Variants in RUNDC3B observed in about 807,000 individuals in gnomAD.
The protein encoded by RUNDC3B is RUN domain-containing protein 3B.
In RUNDC3B, 33 loss-of-function variants were observed where a neutral mutation model predicts 58.4. The ratio of observed to expected loss-of-function variants is 0.56; its 90% CI spans 0.43 to 0.75. The LOEUF is 0.75. RUNDC3B is among the 30% of genes least tolerant of loss of function. RUNDC3B has a pLI of 0.00. For synonymous variants in RUNDC3B, 193 were observed against 195.2 expected, an observed-to-expected ratio of 0.99 and a Z score of 0.10; for missense variants, 501 against 535.7, an observed-to-expected ratio of 0.94 and a Z score of 0.64.
At chr7:87,632,526 A>T (rs1013771227) in intron 1 of RUNDC3B, among the ~76,000 whole-genome samples, 2 of 152,184 alleles carry the variant, frequency 1.3e-5, no homozygotes, top group Admixed American at 1.3e-4. Flanking sequence ...TGAGGACTCT[A>T]AATCTTACAC....
At position 87,829,871 on chromosome 7, in the gene RUNDC3B, A is replaced by G. The variant is rs1308790016; in HGVS notation, c.1226-14A>G. On this transcript the variant is annotated splice_polypyrimidine_tract_variant and intron_variant, in intron 10 of 10. Transcript: ENST00000394654. ...AGGGCAATTAATTATTTGCTATTTA[A>G]TTCTAATTTTCAGGTAAGGAAGATA... 2 of 1,572,184 alleles carry G rather than the reference A, an allele frequency of 1.3e-6. No homozygotes were observed. Among genetic ancestry groups the G allele is most frequent in the Non-Finnish European group, 1.7e-6 (2 of 1,154,156 alleles).
intron 2 of RUNDC3B, among the ~76,000 whole-genome samples, chr7:87,672,463 T>C (rs187709899): frequency 1.3e-5 from 2 of 152,278 alleles, no homozygotes; most frequent in African/African-American, 2.4e-5. Flanking sequence ...CCAGTGGGTC[T>C]TATCTTGTGG....
chr7:87,818,739 GA>G (rs1837219313), intron 10 of RUNDC3B, among the ~76,000 whole-genome samples: 1 of 152,138 alleles, frequency 6.6e-6, no homozygotes, highest in Non-Finnish European at 1.5e-5. Flanking sequence ...CTGTGCAAAA[GA>G]AGGAATTGGG....
At chr7:87,687,791 G>T (rs1827613599) in intron 2 of RUNDC3B, among the ~76,000 whole-genome samples, 1 of 152,056 alleles carries the variant, frequency 6.6e-6, no homozygotes, top group Non-Finnish European at 1.5e-5. Flanking sequence ...AGGAACTCTG[G>T]CTTGAACCTC....
intron 1 of RUNDC3B, among the ~76,000 whole-genome samples, chr7:87,642,295 T>C (rs1822536142): frequency 1.3e-5 from 2 of 152,048 alleles, no homozygotes; most frequent in African/African-American, 4.8e-5. Context: ...AGCATTCTAG[T>C]GTTGATAAAC....
At chr7:87,677,273 T>A (rs1417480579) in intron 2 of RUNDC3B, among the ~76,000 whole-genome samples, 2 of 136,930 alleles carry the variant, frequency 1.5e-5, no homozygotes, top group Admixed American at 7.4e-5. Context: ...ACAGTGTATA[T>A]AACACACACA....
At chr7:87,669,646 C>A (rs961009691) in intron 2 of RUNDC3B, among the ~76,000 whole-genome samples, 1 of 152,284 alleles carries the variant, frequency 6.6e-6, no homozygotes, top group Middle Eastern at 3.4e-3. Context: ...CTTTCAAAAT[C>A]TCTTGTAAGG....
At position 87,700,554 on chromosome 7, in the gene RUNDC3B, G is replaced by A. The variant is rs929438114; in HGVS notation, c.372G>A (p.Lys124=). 6.2e-7 allele frequency: 1 copy of A among 1,606,638 alleles called. No individual in the cohort carries two copies. The highest frequency in any genetic ancestry group is 8.5e-7 in the Non-Finnish European group (1 of 1,177,974). ...AAAATGTCAGTTCTTCTAGAGCTAAGGTAAGACATTGGTCAGAGACTCGTT... is the reference window on the plus strand; with the variant it reads ...AAAATGTCAGTTCTTCTAGAGCTAAAGTAAGACATTGGTCAGAGACTCGTT... The part of the protein sequence containing the change: ...NMENVSSSRA[K]GRAWIRVALM... The change falls in exon 3 of 11, where the codon AAG becomes AAA. Residue 124 remains lysine, a splice_region_variant and synonymous_variant. Coordinates refer to ENST00000394654, the MANE Select transcript of RUNDC3B (RefSeq NM_001134405.2).
At chr7:87,657,845 A>G (rs574448714) in intron 2 of RUNDC3B, among the ~76,000 whole-genome samples, 78 of 152,248 alleles carry the variant, frequency 5.1e-4, no homozygotes, top group African/African-American at 1.7e-3. Flanking sequence ...GTGGAAGCCA[A>G]TTGGGAAACT....
chr7:87,648,610 T>C (rs1823263608), intron 1 of RUNDC3B, among the ~76,000 whole-genome samples: 1 of 152,314 alleles, frequency 6.6e-6, no homozygotes, highest in Non-Finnish European at 1.5e-5. Context: ...CAGATTACTC[T>C]TCATAAGTTT....
At chr7:87,818,220 A>G (rs1359809870) in intron 10 of RUNDC3B, among the ~76,000 whole-genome samples, 1 of 152,176 alleles carries the variant, frequency 6.6e-6, no homozygotes, top group African/African-American at 2.4e-5. Flanking sequence ...TCAACAGGAC[A>G]AGAGTAATAA....
At chr7:87,647,833 T>C (rs1036967761) in intron 1 of RUNDC3B, among the ~76,000 whole-genome samples, 1 of 151,934 alleles carries the variant, frequency 6.6e-6, no homozygotes, top group Non-Finnish European at 1.5e-5. Context: ...CATCTGAAAA[T>C]GGATAATCAA....
chr7:87,791,778 A>ATTCAC (rs1197511318), intron 8 of RUNDC3B, among the ~76,000 whole-genome samples: 1 of 152,086 alleles, frequency 6.6e-6, no homozygotes, highest in Admixed American at 6.6e-5. Flanking sequence ...ACTTTCACAA[A>ATTCAC]AAGGAATACA....
intron 4 of RUNDC3B, among the ~76,000 whole-genome samples, chr7:87,735,706 G>A (rs1831885793): frequency 1.3e-5 from 2 of 152,170 alleles, no homozygotes; most frequent in Non-Finnish European, 2.9e-5. Flanking sequence ...ACATCTGTGG[G>A]CTAAGGTATC....
At chr7:87,828,224 C>CTAAATTTTAAATCTAAA (rs1244456617) in intron 10 of RUNDC3B, among the ~76,000 whole-genome samples, 2 of 151,810 alleles carry the variant, frequency 1.3e-5, no homozygotes, top group Admixed American at 6.6e-5. Flanking sequence ...TTTTAAATAT[C>CTAAATTTTAAATCTAAA]AACTTTTATT....
At chr7:87,725,479 C>G (rs1244266169) in intron 4 of RUNDC3B, among the ~76,000 whole-genome samples, 4 of 152,178 alleles carry the variant, frequency 2.6e-5, no homozygotes, top group Admixed American at 6.5e-5. Flanking sequence ...TTTTCTTAAT[C>G]CAGTCTATCA....
rs1280270950 is a variant in RUNDC3B at position 87,628,769 on chromosome 7, T to G, written c.-55T>G. ...CCGAGCGAGAACCCCCTTAAGCAGG[T>G]GTGGGGGGCGTGCGGGGTGGCACGA... On this transcript the variant is annotated 5_prime_UTR_variant, in exon 1 of 11. Coordinates refer to ENST00000394654, the MANE Select transcript of RUNDC3B (RefSeq NM_001134405.2). 2.7e-6 allele frequency: 3 copies of G among 1,092,204 alleles called. No individual in the cohort carries two copies. Among genetic ancestry groups the G allele is most frequent in the South Asian group, 9.3e-5 (2 of 21,424 alleles). 67.7% of individuals were successfully genotyped at this position (1,092,204 alleles called of 1,614,324 possible).
Position 87,741,480 on chromosome 7 carries a change from T to A in RUNDC3B, c.549-19T>A. The A allele has an allele frequency of 1.5e-6, 2 of 1,318,864 alleles. No homozygotes were observed. Among genetic ancestry groups the A allele is most frequent in the Non-Finnish European group, 2.1e-6 (2 of 956,536 alleles). 81.7% of individuals were successfully genotyped at this position (1,318,864 alleles called of 1,614,324 possible). ...AATTTTATATATTAATAGGAAATATTTATTTTCTATTGTCTTAGTTTCTGC... is the reference window on the plus strand; with the variant it reads ...AATTTTATATATTAATAGGAAATATATATTTTCTATTGTCTTAGTTTCTGC... On this transcript the variant is annotated intron_variant, in intron 5 of 10. Coordinates refer to ENST00000394654, the MANE Select transcript of RUNDC3B (RefSeq NM_001134405.2).
At chr7:87,796,496 G>A (rs530601238) in intron 8 of RUNDC3B, among the ~76,000 whole-genome samples, 30 of 152,258 alleles carry the variant, frequency 2.0e-4, no homozygotes, top group Non-Finnish European at 2.5e-4. Flanking sequence ...AAAAGTTTAA[G>A]GGGATGGCCC....
Sources: gnomAD v4.1 joint callset for allele counts (sites outside exome capture counted in the v4.1 genomes callset) on GRCh38, gnomAD v4.1.1 for gene constraint, MANE v1.5 for transcripts, NCBI Gene and HGNC (gene_info 2026-07-23, HGNC 2026-07-21) for gene names.